WSCD1: variants seen among roughly 807,000 people sequenced by gnomAD.
The protein encoded by WSCD1 is sialate:O-sulfotransferase 1.
WSCD1 carries 41 observed loss-of-function variants against 60.4 expected under a neutral mutation model. The ratio of observed to expected loss-of-function variants is 0.68; its 90% CI spans 0.53 to 0.88. WSCD1 has a LOEUF of 0.88. WSCD1 is among the 40% of genes least tolerant of loss of function. WSCD1 has a pLI of 0.00. For synonymous variants in WSCD1, 361 were observed against 332.5 expected (o/e 1.09, Z -0.93); for missense variants, 784 against 796.2 (o/e 0.98, Z 0.18).
At position 6,075,840 on chromosome 17, in the gene WSCD1, A is replaced by T. The variant is rs79114145; in HGVS notation, c.-288-4531A>T. Among the ~76,000 whole-genome samples the T allele has an allele frequency of 1.3e-5, 2 of 152,084 alleles. No homozygotes were observed. The highest frequency in any genetic ancestry group is 2.9e-5 in the Non-Finnish European group (2 of 68,018). On this transcript the variant is annotated intron_variant, in intron 1 of 8. Transcript: ENST00000317744. This position sits in a 1 kb window ranked among gnomAD's most constrained non-coding sequence, Gnocchi z 4.1. Reference sequence around the variant, plus strand: ...TCCAAGATGGGAGGTGCCCACAGGAAGCACACCTTGGGGAAAAATTCTCCA... The same window carrying T: ...TCCAAGATGGGAGGTGCCCACAGGATGCACACCTTGGGGAAAAATTCTCCA...
chr17:6,083,081 G>C (rs1389990123), intron 2 of WSCD1, among the ~76,000 whole-genome samples: 1 of 152,206 alleles, frequency 6.6e-6, no homozygotes, highest in Non-Finnish European at 1.5e-5. Context: ...ACACAGGCAT[G>C]ATTTCTGCAA....
intron 5 of WSCD1, among the ~76,000 whole-genome samples, chr17:6,106,549 T>G (rs530031194): frequency 1.3e-5 from 2 of 152,172 alleles, no homozygotes; most frequent in Non-Finnish European, 2.9e-5. Flanking sequence ...CATTCCAGTA[T>G]AGATAAAACG....
At chr17:6,092,599 G>A (rs1203334033) in intron 4 of WSCD1, among the ~76,000 whole-genome samples, 3 of 152,226 alleles carry the variant, frequency 2.0e-5, no homozygotes, top group East Asian at 3.9e-4. Context: ...ACATGCAAAC[G>A]GGCTTCCTGA....
chr17:6,106,637 G>A (rs900576293), intron 5 of WSCD1, among the ~76,000 whole-genome samples: 11 of 152,194 alleles, frequency 7.2e-5, no homozygotes, highest in African/African-American at 2.2e-4. Context: ...AGGGGCCTCC[G>A]GTGTCACCGA....
chr17:6,098,523 G>A (rs542384352), intron 5 of WSCD1, among the ~76,000 whole-genome samples: 2 of 152,222 alleles, frequency 1.3e-5, no homozygotes, highest in African/African-American at 2.4e-5. Context: ...CGGAGCAGTC[G>A]TGAATTGTTT....
At position 6,080,992 on chromosome 17, in the gene WSCD1, T is replaced by C. The variant is rs757549932; in HGVS notation, c.334T>C (p.Leu112=). Reference sequence around the variant, plus strand: ...GAGCCGCAACTCGGAGCTGCGTCAGTTGCGTCGCCGCTGGTTCCACCACTT... The same window carrying C: ...GAGCCGCAACTCGGAGCTGCGTCAGCTGCGTCGCCGCTGGTTCCACCACTT... The part of the protein sequence containing the change: ...LRSRNSELRQ[L]RRRWFHHFMS... The change falls in exon 2 of 9, where the codon TTG becomes CTG. Residue 112 remains leucine, a synonymous_variant. Coordinates refer to ENST00000317744, the MANE Select transcript of WSCD1 (RefSeq NM_015253.2). This position sits in a 1 kb window ranked among gnomAD's most constrained non-coding sequence, Gnocchi z 6.6. The C allele has an allele frequency of 1.3e-6, 2 of 1,546,868 alleles. No homozygotes were observed. Among genetic ancestry groups the C allele is most frequent in the East Asian group, 4.8e-5 (2 of 41,412 alleles).
chr17:6,115,294 C>G (rs1567561894), intron 7 of WSCD1, among the ~76,000 whole-genome samples: 1 of 152,164 alleles, frequency 6.6e-6, no homozygotes, highest in Non-Finnish European at 1.5e-5. Flanking sequence ...TTTTTAGAAC[C>G]CTCAATAATT....
chr17:6,097,648 A>G (rs528009415), intron 5 of WSCD1, among the ~76,000 whole-genome samples: 54 of 152,374 alleles, frequency 3.5e-4, no homozygotes, highest in Non-Finnish European at 7.3e-4. Context: ...ACGATGCGGC[A>G]GTGACTACCT....
intron 7 of WSCD1, among the ~76,000 whole-genome samples, chr17:6,111,724 AGAGC>A (rs1567560907): frequency 1.8e-5 from 1 of 55,256 alleles, no homozygotes. Flanking sequence ...AAAAAAAAAA[AGAGC>A]AAGGAAACAT....
At chr17:6,091,354 A>C (rs1189904111) in intron 4 of WSCD1, among the ~76,000 whole-genome samples, 1 of 152,218 alleles carries the variant, frequency 6.6e-6, no homozygotes, top group Non-Finnish European at 1.5e-5. Context: ...AAAATGAAGA[A>C]AGAACAAAGA....
intron 4 of WSCD1, among the ~76,000 whole-genome samples, chr17:6,091,267 G>A (rs1910023375): frequency 6.6e-6 from 1 of 152,224 alleles, no homozygotes; most frequent in African/African-American, 2.4e-5. Flanking sequence ...ACCTAGAAAT[G>A]CTGCATAAAA....
intron 7 of WSCD1, among the ~76,000 whole-genome samples, chr17:6,111,724 A>AAAAAG (rs1555528915): frequency 3.6e-5 from 2 of 55,240 alleles, no homozygotes; most frequent in African/African-American, 5.4e-5. Flanking sequence ...AAAAAAAAAA[A>AAAAAG]GAGCAAGGAA....
Position 6,120,508 on chromosome 17 carries a change from G to A in WSCD1, c.1575G>A (p.Glu525=), listed in dbSNP as rs1904615429. 1.2e-6 allele frequency: 2 copies of A among 1,613,864 alleles called. No homozygotes were observed. The highest frequency in any genetic ancestry group is 8.5e-7 in the Non-Finnish European group (1 of 1,180,000). The change falls in exon 9 of 9, where the codon GAG becomes GAA. Residue 525 remains glutamate (E), a synonymous_variant. Coordinates refer to ENST00000317744, the MANE Select transcript of WSCD1 (RefSeq NM_015253.2). The part of the protein sequence containing the change: ...ERLLCVENNK[E]GSFRRRGRRS... ...TGCTCTGCGTGGAGAACAACAAGGA[G>A]GGCAGCTTCCGGCGGCGCGGCCGGC...
At chr17:6,072,024 G>A (rs1908575973) in intron 1 of WSCD1, among the ~76,000 whole-genome samples, 3 of 152,216 alleles carry the variant, frequency 2.0e-5, no homozygotes, top group South Asian at 2.1e-4. Flanking sequence ...CATCTTCTCC[G>A]CCAGAAGGCT....
chr17:6,116,852 A>C (rs1006940251), intron 7 of WSCD1, among the ~76,000 whole-genome samples: 4 of 152,226 alleles, frequency 2.6e-5, no homozygotes, highest in African/African-American at 9.6e-5. Context: ...CCAAGAGCCC[A>C]AGATAAGCAC....
In WSCD1 at chr17:6,080,169, G is replaced by A. The variant is rs78977359; in HGVS notation, c.-288-202G>A. 0.015 allele frequency: 2,471 copies of A among 160,476 alleles called. 27 individuals are homozygous for A. The highest frequency in any genetic ancestry group is 0.024 in the Non-Finnish European group (1,763 of 74,178). The allele number at this position is 160,476 out of a possible 1,614,324, so 9.9% of individuals were successfully genotyped here. On this transcript the variant is annotated intron_variant, in intron 1 of 8. Coordinates refer to ENST00000317744, the MANE Select transcript of WSCD1 (RefSeq NM_015253.2). This position sits in a 1 kb window ranked among gnomAD's most constrained non-coding sequence, Gnocchi z 6.6. ...CCATTTTACAGATGGGGAAGCTGAG[G>A]CCCAGCAAGGTTAAGCAACCTACCC...
chr17:6,118,735 G>C lies in WSCD1; in HGVS notation c.1375+547G>C, dbSNP rs558859289. Among the ~76,000 whole-genome samples the C allele has an allele frequency of 6.6e-6, 1 of 152,292 alleles. No homozygotes were observed. Among genetic ancestry groups the C allele is most frequent in the East Asian group, 1.9e-4 (1 of 5,172 alleles). On this transcript the variant is annotated intron_variant, in intron 8 of 8. Coordinates refer to ENST00000317744, the MANE Select transcript of WSCD1 (RefSeq NM_015253.2). The surrounding 1 kb of genome is among the most constrained non-coding windows in gnomAD (Gnocchi z 5.8). ...TCTTGCTGACTCTTCACAGTGTCTG[G>C]TGGGGAAATCACATCAGCCCTACAT...
intron 4 of WSCD1, among the ~76,000 whole-genome samples, chr17:6,092,585 C>T (rs535554366): frequency 1.3e-5 from 2 of 152,310 alleles, no homozygotes; most frequent in African/African-American, 4.8e-5. Flanking sequence ...ATCCTGTCAC[C>T]TGGACATGCA....
intron 5 of WSCD1, among the ~76,000 whole-genome samples, chr17:6,103,217 C>T (rs868179751): frequency 9.2e-5 from 14 of 152,114 alleles, no homozygotes; most frequent in African/African-American, 2.9e-4. Context: ...TTTGTGGGCA[C>T]GAACAGTTTT....
Sources: gnomAD v4.1 joint callset for allele counts (sites outside exome capture counted in the v4.1 genomes callset) on GRCh38, gnomAD v4.1.1 for gene constraint, Gnocchi (gnomAD v3.1) non-coding constraint, MANE v1.5 for transcripts, NCBI Gene and HGNC (gene_info 2026-07-23, HGNC 2026-07-21) for gene names.